SUGCT: variants seen among roughly 807,000 people sequenced by gnomAD.
The protein encoded by SUGCT is succinyl-CoA:glutarate-CoA transferase, also known as succinyl-CoA:glutarate CoA-transferase.
In SUGCT, 41 loss-of-function variants were observed where a neutral mutation model predicts 55.0. The ratio of observed to expected loss-of-function variants is 0.74; its 90% CI spans 0.58 to 0.97. SUGCT has a LOEUF of 0.97. Ranked by LOEUF, SUGCT falls within the 50% of genes least tolerant of loss-of-function variation. The pLI, the probability that SUGCT is intolerant of heterozygous loss-of-function variation, is 0.00. For missense variants in SUGCT, 568 were observed against 547.8 expected, an observed-to-expected ratio of 1.04 and a Z score of -0.37; for synonymous variants, 187 against 200.4, an observed-to-expected ratio of 0.93 and a Z score of 0.56.
intron 1 of SUGCT, chr7:40,141,752 A>G (rs1787997355): frequency 1.1e-5 from 3 of 270,996 alleles, no homozygotes; most frequent in Non-Finnish European, 2.3e-5. Flanking sequence ...CCAGTAGCCC[A>G]TGTTATAAAT....
chr7:40,853,699 T>A (rs949764619), intron 13 of SUGCT, among the ~76,000 whole-genome samples: 1 of 152,188 alleles, frequency 6.6e-6, no homozygotes, highest in Non-Finnish European at 1.5e-5. Context: ...TATCACTTAG[T>A]TGGATAATCT....
intron 13 of SUGCT, among the ~76,000 whole-genome samples, chr7:40,825,728 A>T (rs1329451024): frequency 6.6e-6 from 1 of 152,118 alleles, no homozygotes; most frequent in Non-Finnish European, 1.5e-5. Context: ...CAGCCATCCG[A>T]CGGTCCAAAC....
At chr7:40,504,893 T>C (rs1031978702) in intron 12 of SUGCT, among the ~76,000 whole-genome samples, 4 of 152,260 alleles carry the variant, frequency 2.6e-5, no homozygotes, top group Admixed American at 2.0e-4. Flanking sequence ...TCCACTGTTA[T>C]GTATTTCCCA....
chr7:40,641,771 C>T (rs1039154540), intron 12 of SUGCT, among the ~76,000 whole-genome samples: 9 of 152,216 alleles, frequency 5.9e-5, no homozygotes, highest in African/African-American at 1.4e-4. Flanking sequence ...CAGGAGAGTG[C>T]GTTTCAGGTT....
At chr7:40,291,353 C>CCTACAA (rs1793743191) in intron 8 of SUGCT, among the ~76,000 whole-genome samples, 1 of 149,594 alleles carries the variant, frequency 6.7e-6, no homozygotes, top group Non-Finnish European at 1.5e-5. Flanking sequence ...ATGTCCTTTG[C>CCTACAA]AGGGACATGG....
At chr7:40,562,381 A>G (rs1583987672) in intron 12 of SUGCT, among the ~76,000 whole-genome samples, 1 of 151,868 alleles carries the variant, frequency 6.6e-6, no homozygotes, top group Non-Finnish European at 1.5e-5. Context: ...ACTGACGTGT[A>G]AAGACTGAGG....
At chr7:40,888,726 A>G in the SUGCT span, among the ~76,000 whole-genome samples, 1 of 152,228 alleles carries the variant, frequency 6.6e-6, no homozygotes, top group Non-Finnish European at 1.5e-5. Flanking sequence ...TTTATGGCAG[A>G]CCACAGATAG....
intron 1 of SUGCT, among the ~76,000 whole-genome samples, chr7:40,135,749 C>G: frequency 6.6e-6 from 1 of 151,870 alleles, no homozygotes; most frequent in East Asian, 1.9e-4. Flanking sequence ...CTCCTCCTCC[C>G]GTGTTCAGGA....
At chr7:40,846,734 C>A (rs1793576025) in intron 13 of SUGCT, among the ~76,000 whole-genome samples, 1 of 152,150 alleles carries the variant, frequency 6.6e-6, no homozygotes, top group Admixed American at 6.5e-5. Flanking sequence ...GATATGAGAG[C>A]AGATTTTCTT....
intron 8 of SUGCT, among the ~76,000 whole-genome samples, chr7:40,315,128 A>G (rs1795359512): frequency 6.6e-6 from 1 of 152,010 alleles, no homozygotes; most frequent in Non-Finnish European, 1.5e-5. Context: ...AAATTTGAAA[A>G]CCTTTGGTTT....
chr7:40,701,060 A>ATTCTTTCCTTTTATAGTTTC (rs1785152649), intron 12 of SUGCT, among the ~76,000 whole-genome samples: 1 of 152,150 alleles, frequency 6.6e-6, no homozygotes, highest in Non-Finnish European at 1.5e-5. Context: ...TCCTTTTATC[A>ATTCTTTCCTTTTATAGTTTC]TTCTTTCCTT....
intron 7 of SUGCT, among the ~76,000 whole-genome samples, chr7:40,252,471 T>C (rs575643160): frequency 7.9e-5 from 12 of 152,262 alleles, no homozygotes; most frequent in African/African-American, 2.9e-4. Context: ...TTTCAAACAA[T>C]GTAAGATATT....
intron 8 of SUGCT, among the ~76,000 whole-genome samples, chr7:40,307,213 TTA>T (rs1794893432): frequency 6.6e-6 from 1 of 152,228 alleles, no homozygotes; most frequent in Non-Finnish European, 1.5e-5. Context: ...GGGTTGAAGT[TTA>T]TTTCTAATTA....
chr7:40,412,606 A>C lies in SUGCT; in HGVS notation c.817-36681A>C, dbSNP rs371259108. The stretch of plus-strand genomic sequence containing the variant: ...TATTTATATATTGAATCTCCATTTT[A>C]TGTCTCCCATAATTCTTATCAGTTT... On this transcript the variant is annotated intron_variant, in intron 9 of 13. Transcript: ENST00000335693. Among the ~76,000 whole-genome samples the C allele has an allele frequency of 2.0e-5, 3 of 152,200 alleles. No homozygotes were observed. The East Asian group carries it at 5.8e-4, about 29-fold the overall frequency.
At chr7:40,162,089 G>A (rs964108157) in intron 1 of SUGCT, among the ~76,000 whole-genome samples, 1 of 151,968 alleles carries the variant, frequency 6.6e-6, no homozygotes, top group Non-Finnish European at 1.5e-5. Context: ...GTAGAGACGG[G>A]GTTTCACCAT....
chr7:40,322,558 T>C (rs565322741), intron 9 of SUGCT, among the ~76,000 whole-genome samples: 1 of 152,274 alleles, frequency 6.6e-6, no homozygotes, highest in East Asian at 1.9e-4. Context: ...TCACAGTTTA[T>C]TGTGCTCCTG....
chr7:40,785,508 G>T (rs1025160727), intron 13 of SUGCT, among the ~76,000 whole-genome samples: 1 of 152,120 alleles, frequency 6.6e-6, no homozygotes, highest in African/African-American at 2.4e-5. Flanking sequence ...TCCAAGGCTT[G>T]GTCACAATCA....
the SUGCT span, among the ~76,000 whole-genome samples, chr7:40,887,256 G>A: frequency 6.6e-6 from 1 of 152,202 alleles, no homozygotes; most frequent in Non-Finnish European, 1.5e-5. Flanking sequence ...AATTTAAGCA[G>A]CTGAGTGATA....
In SUGCT at chr7:40,139,150, AT is replaced by A. The variant is rs1562788568; in HGVS notation, c.100+4031del. ...CAAAAATAAATAAATAAATAAATAA[AT>A]AAATAAATAAATAAATAAATAAATA... is the stretch of plus-strand genomic sequence containing the variant. On this transcript the variant is annotated intron_variant, in intron 1 of 13. Coordinates refer to ENST00000335693, the MANE Select transcript of SUGCT (RefSeq NM_001193313.2). 4.0e-5 allele frequency among the ~76,000 whole-genome samples: 6 copies of A among 150,788 alleles called. No homozygotes were observed. In the East Asian group the frequency reaches 1.2e-3, roughly 29 times the overall value.
Sources: gnomAD v4.1 joint callset for allele counts (sites outside exome capture counted in the v4.1 genomes callset) on GRCh38, gnomAD v4.1.1 for gene constraint, MANE v1.5 for transcripts, NCBI Gene and HGNC (gene_info 2026-07-23, HGNC 2026-07-21) for gene names.